PCDHAC2: variants seen among roughly 807,000 people sequenced by gnomAD.
PCDHAC2 encodes the protein protocadherin alpha subfamily C, 2, also known as protocadherin alpha-C2.
A neutral mutation model predicts 63.3 loss-of-function variants in PCDHAC2; 24 were observed. The observed-to-expected ratio is 0.38, with a 90% CI of 0.27 to 0.53. The LOEUF is 0.53. Among genes scored for constraint, PCDHAC2 ranks in the 20% least tolerant of loss-of-function variants. PCDHAC2 has a pLI of 0.81. For synonymous variants in PCDHAC2, 569 were observed against 529.4 expected, an observed-to-expected ratio of 1.07 and a Z score of -1.03; for missense variants, 1,181 against 1,275.2, an observed-to-expected ratio of 0.93 and a Z score of 1.12.
chr5:141,009,557 C>T (rs782135260), intron 3 of PCDHAC2, 70 bp from the exon 4 acceptor site: 38 of 1,565,272 alleles, frequency 2.4e-5, no homozygotes, highest in Non-Finnish European at 2.8e-5. Flanking sequence ...TACTCCTGTA[C>T]TCTACCAGCA....
At chr5:140,976,248 T>G (rs1476905185) in intron 1 of PCDHAC2, among the ~76,000 whole-genome samples, 5 of 152,032 alleles carry the variant, frequency 3.3e-5, no homozygotes, top group African/African-American at 9.7e-5. Context: ...TCATGTAAAT[T>G]TATTTAAAAC....
Position 140,978,953 on chromosome 5 carries a change from G to T in PCDHAC2, c.2570G>T (p.Arg857Leu), listed in dbSNP as rs781913955. The T allele has an allele frequency of 6.2e-7, 1 of 1,614,048 alleles. No individual in the cohort carries two copies. Among genetic ancestry groups the T allele is most frequent in the Admixed American group, 1.7e-5 (1 of 59,996 alleles). The change falls in exon 2 of 4, where the codon CGA becomes CTA. Residue 857 changes from arginine to leucine, a missense_variant. Physicochemically the swap from Arg to Leu is moderately radical, Grantham distance 102 (BLOSUM62 -2). Coordinates refer to ENST00000289269, the MANE Select transcript of PCDHAC2 (RefSeq NM_018899.6). ...ACTCTCTTTGTGATTTTGCAGCCAC[G>T]ACAGCCCAACCCTGACTGGCGTTAC... ...KNEAVSQNEP[R>L]QPNPDWRYSA... is the part of the protein sequence containing the mutation.
chr5:140,982,795 A>ATG (rs60616196), intron 3 of PCDHAC2, among the ~76,000 whole-genome samples: 5,064 of 151,610 alleles, frequency 0.033, 263 homozygotes, highest in African/African-American at 0.11. Context: ...GCATGTGTGC[A>ATG]TGTGTGTGTG....
At position 140,967,379 on chromosome 5, in the gene PCDHAC2, A is replaced by G. The variant is rs1554229509; in HGVS notation, c.613A>G (p.Lys205Glu). ...CCTTAAGCCCCTGCAGGAGAACAGT[A>G]AAGTGCTTGAGCTGGTGCTGCGTAA... The part of the protein sequence containing the change: ...LDLKPLQENS[K>E]VLELVLRKGL... Residue 205 changes from lysine to glutamate, a missense_variant, in exon 1 of 4, where the codon AAA (lysine) becomes GAA (glutamate). Lys to Glu is a moderately conservative substitution (Grantham distance 56). Coordinates refer to ENST00000289269, the MANE Select transcript of PCDHAC2 (RefSeq NM_018899.6). 1.2e-6 allele frequency: 2 copies of G among 1,608,268 alleles called. No homozygotes were observed. The highest frequency in any genetic ancestry group is 2.2e-5 in the East Asian group (1 of 44,648).
chr5:140,997,131 C>T (rs577407385), intron 3 of PCDHAC2, among the ~76,000 whole-genome samples: 26 of 152,126 alleles, frequency 1.7e-4, no homozygotes, highest in African/African-American at 6.0e-4. Flanking sequence ...ACACAATGCC[C>T]CCACACCCCC....
chr5:141,009,407 G>T (rs990895210), intron 3 of PCDHAC2, among the ~76,000 whole-genome samples: 2 of 152,184 alleles, frequency 1.3e-5, no homozygotes, highest in Admixed American at 6.5e-5. Flanking sequence ...TGCAGTGACT[G>T]CATTTCAGCC....
intron 3 of PCDHAC2, among the ~76,000 whole-genome samples, chr5:140,997,797 C>A (rs2097786104): frequency 6.6e-6 from 1 of 151,944 alleles, no homozygotes; most frequent in Non-Finnish European, 1.5e-5. Context: ...TATAATTTAT[C>A]CAATTTGCTG....
chr5:140,968,355 G>A lies in PCDHAC2; in HGVS notation c.1589G>A (p.Ser530Asn). Residue 530 changes from serine (S) to asparagine (N), a missense_variant, in exon 1 of 4, where the codon AGC becomes AAC. Ser to Asn is a conservative substitution (Grantham distance 46). Around this residue, in one of 3 missense-constraint regions of PCDHAC2, gnomAD observed 968 missense variants for 1,073.5 expected, o/e 0.90. Transcript: ENST00000289269. ...GTCTCCATTAACAGTGCCAGTGGCA[G>A]CCTTTATGCTGTCAACTCCTTTGAC... ...SYVSINSASG[S>N]LYAVNSFDYE... 6.2e-7 allele frequency: 1 copy of A among 1,614,080 alleles called. No individual in the cohort carries two copies. Among genetic ancestry groups the A allele is most frequent in the South Asian group, 1.1e-5 (1 of 91,090 alleles).
At chr5:141,003,814 G>A (rs2098139841) in intron 3 of PCDHAC2, among the ~76,000 whole-genome samples, 1 of 152,088 alleles carries the variant, frequency 6.6e-6, no homozygotes, top group Admixed American at 6.6e-5. Context: ...CTGTAGTCTG[G>A]GAAGGGCTCT....
rs782577579 is a variant in PCDHAC2, at chr5:140,978,981, T to G, written c.2598T>G (p.Ser866=). The G allele has an allele frequency of 1.4e-5, 22 of 1,614,096 alleles. No individual in the cohort carries two copies. Among genetic ancestry groups the G allele is most frequent in the Non-Finnish European group, 1.8e-5 (21 of 1,180,040 alleles). The change falls in exon 2 of 4, where the codon TCT becomes TCG. Residue 866 remains serine (S), a synonymous_variant. Transcript: ENST00000289269. ...PRQPNPDWRY[S]ASLRAGMHSS... ...AGCCCAACCCTGACTGGCGTTACTC[T>G]GCCTCCCTGAGAGCAGGCATGCACA... is the stretch of plus-strand genomic sequence containing the variant.
chr5:140,973,574 C>T (rs1485415780), intron 1 of PCDHAC2, among the ~76,000 whole-genome samples: 1 of 152,218 alleles, frequency 6.6e-6, no homozygotes, highest in African/African-American at 2.4e-5. Flanking sequence ...AATTTTTCTA[C>T]AGACTGCTGA....
intron 1 of PCDHAC2, among the ~76,000 whole-genome samples, chr5:140,971,749 CAT>C (rs143190557): frequency 0.047 from 7,111 of 152,104 alleles, 190 homozygotes; most frequent in Non-Finnish European, 0.062. Context: ...ACATATATCT[CAT>C]ATTACTGAAT....
chr5:141,010,136 CTCTT>C lies in PCDHAC2; in HGVS notation c.*203_*206del, dbSNP rs782073868. The C allele has an allele frequency of 1.9e-6, 3 of 1,594,824 alleles. No homozygotes were observed. Among genetic ancestry groups the C allele is most frequent in the Non-Finnish European group, 2.6e-6 (3 of 1,169,724 alleles). On this transcript the variant is annotated 3_prime_UTR_variant, in exon 4 of 4. Transcript: ENST00000289269. ...AAAGCTTTACTAAGTCTGGTGTTAACTCTTTCTCTCCACTCTGGCTTGTTTTCAG... is the reference window on the plus strand; with the variant it reads ...AAAGCTTTACTAAGTCTGGTGTTAACTCTCTCCACTCTGGCTTGTTTTCAG...
At chr5:141,003,658 A>G (rs1379758431) in intron 3 of PCDHAC2, among the ~76,000 whole-genome samples, 2 of 152,212 alleles carry the variant, frequency 1.3e-5, no homozygotes, top group Non-Finnish European at 2.9e-5. Flanking sequence ...GTATGCATTT[A>G]TTAAAATATA....
intron 1 of PCDHAC2, among the ~76,000 whole-genome samples, chr5:140,971,561 A>G (rs367567903): frequency 1.3e-3 from 195 of 152,186 alleles, no homozygotes; most frequent in African/African-American, 4.3e-3. Context: ...TTAAATTCCC[A>G]TGTTGGGCTT....
At chr5:140,991,563 C>T (rs577838155) in intron 3 of PCDHAC2, among the ~76,000 whole-genome samples, 4 of 152,288 alleles carry the variant, frequency 2.6e-5, no homozygotes, top group South Asian at 4.1e-4. Context: ...CCTTTAGTTT[C>T]CAATAACAGG....
At position 140,967,010 on chromosome 5, in the gene PCDHAC2, C is replaced by T. The variant is rs781936791; in HGVS notation, c.244C>T (p.Leu82=). 7 of 1,606,340 alleles carry T rather than the reference C, an allele frequency of 4.4e-6. No individual in the cohort carries two copies. In the South Asian group the frequency reaches 6.6e-5, roughly 15 times the overall value. The change falls in exon 1 of 4, where the codon CTG becomes TTG. Residue 82 remains leucine (L), a synonymous_variant. Coordinates refer to ENST00000289269, the MANE Select transcript of PCDHAC2 (RefSeq NM_018899.6). ...LGPGCLRINH[L]GAPSPRYLEL... ...GCCGGGTTGCTTGCGCATCAACCAT[C>T]TGGGTGCGCCCAGTCCGCGCTACCT...
rs782017107 is a variant in PCDHAC2 at position 140,968,690 on chromosome 5, A to G, written c.1924A>G (p.Ile642Val). ...TAAGGTAGAGCTGCACACAGGAGAAATTAGGACTACCAGGAAGATGGGAGA... is the reference window on the plus strand; with the variant it reads ...TAAGGTAGAGCTGCACACAGGAGAAGTTAGGACTACCAGGAAGATGGGAGA... ...LFKVELHTGEIRTTRKMGDES... is the reference protein window; with the variant it reads ...LFKVELHTGEVRTTRKMGDES... The change falls in exon 1 of 4, where the codon ATT becomes GTT. Residue 642 changes from isoleucine to valine, a missense_variant. This residue lies in a region of PCDHAC2 where 968 missense variants were observed against 1,073.5 expected (regional missense o/e 0.90). Transcript: ENST00000289269. 60 of 1,614,030 alleles carry G rather than the reference A, an allele frequency of 3.7e-5. No individual in the cohort carries two copies. The highest frequency in any genetic ancestry group is 4.8e-5 in the Non-Finnish European group (57 of 1,180,040).
intron 3 of PCDHAC2, among the ~76,000 whole-genome samples, chr5:140,991,403 C>A (rs1230118485): frequency 6.6e-6 from 1 of 152,116 alleles, no homozygotes; most frequent in African/African-American, 2.4e-5. Context: ...TATTTATTTC[C>A]CATTATGCTA....
Sources: gnomAD v4.1 joint callset for allele counts (sites outside exome capture counted in the v4.1 genomes callset) on GRCh38, gnomAD v4.1.1 for gene constraint, gnomAD v4.1.1 regional missense constraint, MANE v1.5 for transcripts, NCBI Gene and HGNC (gene_info 2026-07-23, HGNC 2026-07-21) for gene names.